Variants in SSBP2 observed in about 807,000 individuals in gnomAD.
The protein encoded by SSBP2 is single-stranded DNA-binding protein 2.
SSBP2 carries 17 observed loss-of-function variants against 61.8 expected under a neutral mutation model. The observed-to-expected ratio is 0.28, with a 90% confidence interval of 0.19 to 0.41. SSBP2 has a LOEUF of 0.41. Among genes scored for constraint, SSBP2 ranks in the 10% least tolerant of loss-of-function variants. The pLI is 1.00. For synonymous variants in SSBP2, 139 were observed against 141.3 expected, an observed-to-expected ratio of 0.98 and a Z score of 0.12; for missense variants, 310 against 458.7, an observed-to-expected ratio of 0.68 and a Z score of 2.96.
intron 1 of SSBP2, among the ~76,000 whole-genome samples, chr5:81,747,483 C>G (rs1185672445): frequency 6.6e-6 from 1 of 152,120 alleles, no homozygotes; most frequent in Non-Finnish European, 1.5e-5. Context: ...AACATAGTGA[C>G]TGGCACACAG....
At chr5:81,569,131 T>C (rs1452958345) in intron 4 of SSBP2, among the ~76,000 whole-genome samples, 1 of 152,238 alleles carries the variant, frequency 6.6e-6, no homozygotes, top group Non-Finnish European at 1.5e-5. Flanking sequence ...TCGTATCTAA[T>C]GAATTTTCTG....
intron 15 of SSBP2, among the ~76,000 whole-genome samples, chr5:81,429,694 T>A (rs1279214987): frequency 6.6e-6 from 1 of 150,630 alleles, no homozygotes; most frequent in African/African-American, 2.5e-5. Flanking sequence ...GAATTAGTTT[T>A]TAGATTTTTT....
rs551627512 is a variant in SSBP2 at position 81,578,113 on chromosome 5, T to TA, written c.282+37359dup. Among the ~76,000 whole-genome samples the TA allele has an allele frequency of 2.0e-5, 3 of 151,988 alleles. No individual in the cohort carries two copies. The South Asian group carries it at 6.2e-4, about 32-fold the overall frequency. ...AGAGCAAAAGCACACTCACAAACTT[T>TA]AAAAAAAATCATAGGAGCACATTAT... On this transcript the variant is annotated intron_variant, in intron 4 of 16. Transcript: ENST00000320672.
At chr5:81,657,461 A>G (rs1005957064) in intron 1 of SSBP2, among the ~76,000 whole-genome samples, 1 of 152,252 alleles carries the variant, frequency 6.6e-6, no homozygotes, top group Non-Finnish European at 1.5e-5. Context: ...CAATGTGTGT[A>G]GAAAAAGAGT....
Position 81,500,710 on chromosome 5 carries a change from C to T in SSBP2, c.373-11401G>A, listed in dbSNP as rs190868630. Among the ~76,000 whole-genome samples the T allele has an allele frequency of 8.4e-3, 1,273 of 152,062 alleles. 12 individuals carry two copies. The highest frequency in any genetic ancestry group is 0.029 in the African/African-American group (1,186 of 41,478). ...TCTTGACCTTGTGATCTGCCTGCCT[C>T]GGCCTCCCAAAGTACTGGGATTACA... On this transcript the variant is annotated intron_variant, in intron 5 of 16. Transcript: ENST00000320672.
chr5:81,430,668 TTC>T (rs1474489191), intron 15 of SSBP2, among the ~76,000 whole-genome samples: 1 of 152,204 alleles, frequency 6.6e-6, no homozygotes, highest in Non-Finnish European at 1.5e-5. Context: ...GTGTTATTAT[TTC>T]TGTTTTACAT....
chr5:81,703,024 T>C (rs1442240698), intron 1 of SSBP2, among the ~76,000 whole-genome samples: 1 of 152,216 alleles, frequency 6.6e-6, no homozygotes, highest in Non-Finnish European at 1.5e-5. Context: ...TGAGGGATTT[T>C]TGTCTGTTTT....
chr5:81,730,573 G>A (rs1756197026), intron 1 of SSBP2, among the ~76,000 whole-genome samples: 1 of 152,070 alleles, frequency 6.6e-6, no homozygotes, highest in Non-Finnish European at 1.5e-5. Flanking sequence ...AAAATCTACA[G>A]TTTTACTTGA....
intron 4 of SSBP2, among the ~76,000 whole-genome samples, chr5:81,561,853 C>A (rs1256212562): frequency 3.3e-5 from 5 of 152,114 alleles, no homozygotes; most frequent in African/African-American, 2.4e-5. Context: ...TTAAAAAAAT[C>A]ACATAAAACA....
At chr5:81,646,235 C>G (rs1280194511) in intron 2 of SSBP2, among the ~76,000 whole-genome samples, 1 of 152,174 alleles carries the variant, frequency 6.6e-6, no homozygotes, top group African/African-American at 2.4e-5. Flanking sequence ...CCTTCTTAGC[C>G]TCATCTATCC....
chr5:81,483,590 C>A (rs1422755718), intron 6 of SSBP2, among the ~76,000 whole-genome samples: 2 of 152,154 alleles, frequency 1.3e-5, no homozygotes, highest in African/African-American at 4.8e-5. Context: ...AAGCGACTTG[C>A]TCAAAGTTAT....
chr5:81,735,187 G>A (rs996988025), intron 1 of SSBP2, among the ~76,000 whole-genome samples: 3 of 151,962 alleles, frequency 2.0e-5, no homozygotes, highest in Admixed American at 2.0e-4. Context: ...CTAATTTATT[G>A]TATCTTTGAT....
At chr5:81,426,142 T>C (rs1348820701) in intron 16 of SSBP2, among the ~76,000 whole-genome samples, 1 of 152,266 alleles carries the variant, frequency 6.6e-6, no homozygotes, top group Non-Finnish European at 1.5e-5. Flanking sequence ...TATTTACTTC[T>C]TCAAAGCCTT....
chr5:81,675,534 C>T (rs557965120), intron 1 of SSBP2, among the ~76,000 whole-genome samples: 1 of 152,126 alleles, frequency 6.6e-6, no homozygotes, highest in Non-Finnish European at 1.5e-5. Flanking sequence ...CACGAAACTG[C>T]CAGCTTATCT....
intron 4 of SSBP2, among the ~76,000 whole-genome samples, chr5:81,595,358 T>C (rs1743608817): frequency 6.6e-6 from 1 of 152,006 alleles, no homozygotes; most frequent in African/African-American, 2.4e-5. Context: ...AATAGCTTAC[T>C]AACCAAAAAA....
intron 1 of SSBP2, among the ~76,000 whole-genome samples, chr5:81,673,664 GC>G (rs1275866417): frequency 6.6e-6 from 1 of 152,170 alleles, no homozygotes; most frequent in East Asian, 1.9e-4. Flanking sequence ...AAGAGAAATG[GC>G]TGAAAGTGTC....
At chr5:81,733,618 T>C (rs549025445) in intron 1 of SSBP2, among the ~76,000 whole-genome samples, 2 of 152,338 alleles carry the variant, frequency 1.3e-5, no homozygotes, top group East Asian at 3.9e-4. Context: ...TCCAACTTTG[T>C]TGACAAATCG....
At chr5:81,537,345 T>C (rs1221083479) in intron 4 of SSBP2, among the ~76,000 whole-genome samples, 1 of 152,146 alleles carries the variant, frequency 6.6e-6, no homozygotes, top group East Asian at 1.9e-4. Flanking sequence ...ACAATTCTCA[T>C]ATGAATTTGT....
chr5:81,739,526 G>A lies in SSBP2; in HGVS notation c.62+11455C>T, dbSNP rs550279977. Among the ~76,000 whole-genome samples the A allele has an allele frequency of 3.9e-4, 60 of 152,258 alleles. 1 individual carries two copies. The highest frequency in any genetic ancestry group is 1.3e-3 in the African/African-American group (56 of 41,544). ...CATTATAGTGCTTGCTACCCAGTGTGGTAGTGGCTGATAGTGAGGCCCCTC... is the reference window on the plus strand; with the variant it reads ...CATTATAGTGCTTGCTACCCAGTGTAGTAGTGGCTGATAGTGAGGCCCCTC... On this transcript the variant is annotated intron_variant, in intron 1 of 16. Transcript: ENST00000320672.
Sources: allele counts gnomAD v4.1 joint callset (sites outside exome capture counted in the v4.1 genomes callset), GRCh38; gene constraint gnomAD v4.1.1; transcripts MANE v1.5; gene names NCBI Gene and HGNC (gene_info 2026-07-23, HGNC 2026-07-21).